The following DCC variants were observed in gnomAD, a reference collection of about 807,000 sequenced individuals.
DCC encodes DCC netrin 1 receptor.
In DCC, 58 loss-of-function variants were observed where a neutral mutation model predicts 172.5. That is an observed-to-expected ratio of 0.34 (90% CI 0.27 to 0.42). DCC has a LOEUF of 0.42. DCC is among the 10% of genes least tolerant of loss of function. The pLI, the probability that DCC is intolerant of heterozygous loss-of-function variation, is 1.00. For missense variants in DCC, 1,740 were observed against 1,791.0 expected (o/e 0.97, Z 0.51); for synonymous variants, 709 against 644.5 (o/e 1.10, Z -1.52).
At chr18:53,281,148 G>C (rs762050077) in intron 12 of DCC, among the ~76,000 whole-genome samples, 1 of 152,086 alleles carries the variant, frequency 6.6e-6, no homozygotes, top group Non-Finnish European at 1.5e-5. Context: ...TAGTATGTGA[G>C]CATTACTGGG....
intron 2 of DCC, among the ~76,000 whole-genome samples, chr18:52,896,928 G>A (rs921710359): frequency 1.4e-4 from 21 of 152,146 alleles, no homozygotes; most frequent in Non-Finnish European, 2.4e-4. Flanking sequence ...CTCAGAGACA[G>A]TATCCTTTCC....
intron 1 of DCC, among the ~76,000 whole-genome samples, chr18:52,614,386 T>C (rs1192973262): frequency 6.6e-6 from 1 of 152,226 alleles, no homozygotes; most frequent in Non-Finnish European, 1.5e-5. Flanking sequence ...ATCGTGTTCA[T>C]TAGCATCTTG....
chr18:52,698,065 G>A (rs147236123), intron 1 of DCC, among the ~76,000 whole-genome samples: 3 of 152,218 alleles, frequency 2.0e-5, no homozygotes, highest in African/African-American at 7.2e-5. Flanking sequence ...GTTTAAGAAG[G>A]CCTGTGTTGA....
chr18:52,465,375 C>G (rs1347686516), intron 1 of DCC, among the ~76,000 whole-genome samples: 1 of 152,006 alleles, frequency 6.6e-6, no homozygotes, highest in Non-Finnish European at 1.5e-5. Flanking sequence ...TTTTTCTCCC[C>G]GTTTCTCTTG....
chr18:52,600,803 T>C (rs761344438), intron 1 of DCC, among the ~76,000 whole-genome samples: 10 of 152,172 alleles, frequency 6.6e-5, no homozygotes, highest in Non-Finnish European at 1.3e-4. Flanking sequence ...AAAATATAAC[T>C]GTGTTCATGT....
chr18:53,175,928 T>C (rs2055085693), intron 8 of DCC, among the ~76,000 whole-genome samples: 2 of 152,122 alleles, frequency 1.3e-5, no homozygotes, highest in Admixed American at 6.6e-5. Context: ...CTTCAAACTA[T>C]ACCACAAGGC....
intron 1 of DCC, among the ~76,000 whole-genome samples, chr18:52,552,749 T>A (rs560587373): frequency 2.6e-5 from 4 of 152,170 alleles, no homozygotes; most frequent in Admixed American, 1.3e-4. Flanking sequence ...ATAATTCTAA[T>A]TGACTTGAAA....
chr18:52,814,693 T>C (rs2038260235), intron 2 of DCC, among the ~76,000 whole-genome samples: 1 of 152,194 alleles, frequency 6.6e-6, no homozygotes, highest in Non-Finnish European at 1.5e-5. Context: ...ATATAAACTA[T>C]TTAATTAGAA....
At chr18:53,131,356 C>A (rs1398266517) in intron 7 of DCC, among the ~76,000 whole-genome samples, 4 of 152,042 alleles carry the variant, frequency 2.6e-5, no homozygotes, top group Non-Finnish European at 2.9e-5. Flanking sequence ...ATTCAAAAGC[C>A]TAAGGATTGC....
chr18:53,076,001 A>C (rs1404527095), intron 7 of DCC, among the ~76,000 whole-genome samples: 1 of 152,166 alleles, frequency 6.6e-6, no homozygotes, highest in Non-Finnish European at 1.5e-5. Context: ...GTACTAGCCA[A>C]TACATGATCA....
At chr18:52,951,549 C>G (rs2040647851) in intron 5 of DCC, among the ~76,000 whole-genome samples, 1 of 152,114 alleles carries the variant, frequency 6.6e-6, no homozygotes, top group Non-Finnish European at 1.5e-5. Context: ...TTTTCTGTTC[C>G]TGTGTTAGTT....
In DCC at chr18:52,714,257, C is replaced by CTTTCATAGCAAATACAT. The variant is rs144141441; in HGVS notation, c.92-37780_92-37764dup. On this transcript the variant is annotated intron_variant, in intron 1 of 28. Coordinates refer to ENST00000442544, the MANE Select transcript of DCC (RefSeq NM_005215.4). ...AAAAGCCTCTCAGAGCCACTGCAAA[C>CTTTCATAGCAAATACAT]TTTCATAGCAAATACATTTTCATAG... Among the ~76,000 whole-genome samples, 1,412 of 152,290 alleles carry CTTTCATAGCAAATACAT rather than the reference C, an allele frequency of 9.3e-3. 16 individuals carry two copies. The highest frequency in any genetic ancestry group is 0.024 in the Middle Eastern group (7 of 294).
At chr18:52,655,098 T>G (rs1199383416) in intron 1 of DCC, among the ~76,000 whole-genome samples, 2 of 152,196 alleles carry the variant, frequency 1.3e-5, no homozygotes, top group African/African-American at 2.4e-5. Context: ...CACCTTCACC[T>G]TTAAACAGTC....
chr18:53,416,391 T>A lies in DCC; in HGVS notation c.3163+235T>A, dbSNP rs180731374. 5.9e-6 allele frequency: 4 copies of A among 673,878 alleles called. No homozygotes were observed. In the Admixed American group the frequency reaches 6.3e-5, roughly 11 times the overall value. 41.7% of individuals were successfully genotyped at this position (673,878 alleles called of 1,614,324 possible). On this transcript the variant is annotated intron_variant, in intron 21 of 28. Coordinates refer to ENST00000442544, the MANE Select transcript of DCC (RefSeq NM_005215.4). Reference sequence around the variant, plus strand: ...TTTTGTCTCCATTCTGAAGGACCAATTAAAATGTCAAGCTTCTTTGTATGA... The same window carrying A: ...TTTTGTCTCCATTCTGAAGGACCAAATAAAATGTCAAGCTTCTTTGTATGA...
intron 5 of DCC, among the ~76,000 whole-genome samples, chr18:52,996,772 CTTTTTTTT>C (rs66600556): frequency 8.5e-6 from 1 of 117,168 alleles, no homozygotes; most frequent in African/African-American, 3.2e-5. Context: ...TCACCTTTTT[CTTTTTTTT>C]TTTTTTTTTT....
chr18:52,415,072 C>T, intron 1 of DCC, among the ~76,000 whole-genome samples: 1 of 152,198 alleles, frequency 6.6e-6, no homozygotes, highest in East Asian at 1.9e-4. Flanking sequence ...CTTTGTATGA[C>T]TTTGCCAGAA....
At chr18:53,511,865 G>A (rs1427669331) in intron 27 of DCC, among the ~76,000 whole-genome samples, 1 of 152,200 alleles carries the variant, frequency 6.6e-6, no homozygotes, top group Non-Finnish European at 1.5e-5. Context: ...AGATCAAACT[G>A]CAAGGCGGCA....
chr18:52,821,071 CTA>C (rs2038396929), intron 2 of DCC, among the ~76,000 whole-genome samples: 1 of 152,168 alleles, frequency 6.6e-6, no homozygotes, highest in Non-Finnish European at 1.5e-5. Context: ...CTTCTCTTCT[CTA>C]AACTCTAATA....
At chr18:53,089,063 A>T (rs1009015102) in intron 7 of DCC, among the ~76,000 whole-genome samples, 2 of 152,118 alleles carry the variant, frequency 1.3e-5, no homozygotes, top group African/African-American at 4.8e-5. Flanking sequence ...CAATGCAATG[A>T]TTGTACTCAC....
Sources: gnomAD v4.1 joint callset for allele counts (sites outside exome capture counted in the v4.1 genomes callset) on GRCh38, gnomAD v4.1.1 for gene constraint, MANE v1.5 for transcripts, NCBI Gene and HGNC (gene_info 2026-07-23, HGNC 2026-07-21) for gene names.